VWA8: variants seen among roughly 807,000 people sequenced by gnomAD.
VWA8 encodes the protein von Willebrand factor A domain-containing protein 8.
A neutral mutation model predicts 241.5 loss-of-function variants in VWA8; 221 were observed. The observed-to-expected ratio is 0.91, with a 90% CI of 0.82 to 1.02. The LOEUF (loss-of-function observed/expected upper bound fraction) is 1.02. Ranked by LOEUF, VWA8 falls within the 50% of genes least tolerant of loss-of-function variation. The probability of loss-of-function intolerance (pLI) is 0.00; values close to 1 mark genes in which losing one functional copy is unlikely to be tolerated. For missense variants in VWA8, 2,322 were observed against 2,328.7 expected (o/e 1.00, Z 0.06); for synonymous variants, 852 against 827.1 (o/e 1.03, Z -0.52).
intron 2 of VWA8, among the ~76,000 whole-genome samples, chr13:41,939,422 C>T (rs984136759): frequency 7.2e-5 from 11 of 151,744 alleles, no homozygotes; most frequent in Non-Finnish European, 1.2e-4. Context: ...AGACTTGGGA[C>T]TAAGATGATA....
intron 26 of VWA8, among the ~76,000 whole-genome samples, chr13:41,703,966 C>T (rs1021376145): frequency 5.3e-5 from 8 of 151,824 alleles, no homozygotes; most frequent in South Asian, 2.1e-4. Context: ...TTAGTAGAGA[C>T]GGGGTTTCTC....
At chr13:41,568,869 C>G (rs1037700189) in intron 44 of VWA8, among the ~76,000 whole-genome samples, 1 of 152,188 alleles carries the variant, frequency 6.6e-6, no homozygotes, top group African/African-American at 2.4e-5. Flanking sequence ...TGAGGTTATA[C>G]AGGCTTATGA....
At chr13:41,841,134 G>A (rs962109781) in intron 12 of VWA8, among the ~76,000 whole-genome samples, 1 of 152,140 alleles carries the variant, frequency 6.6e-6, no homozygotes, top group African/African-American at 2.4e-5. Context: ...AGTATATTAT[G>A]ACAATGAACA....
At chr13:41,877,435 T>C (rs1208753198) in intron 9 of VWA8, among the ~76,000 whole-genome samples, 1 of 152,094 alleles carries the variant, frequency 6.6e-6, no homozygotes, top group Non-Finnish European at 1.5e-5. Context: ...AATAGTTATT[T>C]ATTGAAATAT....
At chr13:41,801,610 C>A (rs1379607256) in intron 17 of VWA8, among the ~76,000 whole-genome samples, 1 of 152,168 alleles carries the variant, frequency 6.6e-6, no homozygotes, top group Non-Finnish European at 1.5e-5. Context: ...AAAATAGCTT[C>A]ATGTAAATTT....
At chr13:41,643,576 A>T (rs902753904) in intron 37 of VWA8, among the ~76,000 whole-genome samples, 14 of 152,170 alleles carry the variant, frequency 9.2e-5, no homozygotes, top group Non-Finnish European at 2.9e-5. Context: ...GGGCTTAGGG[A>T]GCTAACGTTG....
At chr13:41,693,178 A>G (rs530384337) in intron 29 of VWA8, among the ~76,000 whole-genome samples, 39 of 152,150 alleles carry the variant, frequency 2.6e-4, no homozygotes, top group Non-Finnish European at 4.3e-4. Flanking sequence ...TAATTTAAGA[A>G]TTTAAAATTT....
chr13:41,671,397 C>G (rs1362447284), intron 36 of VWA8, among the ~76,000 whole-genome samples: 1 of 151,876 alleles, frequency 6.6e-6, no homozygotes, highest in African/African-American at 2.4e-5. Flanking sequence ...AAAAAAAAAC[C>G]AGAAAGACTA....
intron 37 of VWA8, among the ~76,000 whole-genome samples, chr13:41,628,389 T>G (rs2139672667): frequency 6.6e-6 from 1 of 152,238 alleles, no homozygotes; most frequent in South Asian, 2.1e-4. Flanking sequence ...GAATATAAAT[T>G]GTTCATTTAT....
At position 41,676,570 on chromosome 13, in the gene VWA8, G is replaced by A. The variant is rs1012903841; in HGVS notation, c.4328-1274C>T. Reference sequence around the variant, plus strand: ...CTGAGTGTTTATGCTTGCAAAAAGTGTATGTTATTATTGCCTATTTTATTG... The same window carrying A: ...CTGAGTGTTTATGCTTGCAAAAAGTATATGTTATTATTGCCTATTTTATTG... On this transcript the variant is annotated intron_variant, in intron 35 of 44. Coordinates refer to ENST00000379310, the MANE Select transcript of VWA8 (RefSeq NM_015058.2). Among the ~76,000 whole-genome samples the A allele has an allele frequency of 3.3e-5, 5 of 152,276 alleles. No homozygotes were observed. In the East Asian group the frequency reaches 9.6e-4, roughly 29 times the overall value.
Position 41,567,197 on chromosome 13 carries a change from A to C in VWA8, c.*1000T>G, listed in dbSNP as rs1273919341. On this transcript the variant is annotated 3_prime_UTR_variant, in exon 45 of 45. Coordinates refer to ENST00000379310, the MANE Select transcript of VWA8 (RefSeq NM_015058.2). ...AAGGTCAGCCCAAGAGTGTGTGGGA[A>C]TAAGGTACATTTTGAAAGAAAAGAG... 1 of 152,228 alleles carries C rather than the reference A, an allele frequency of 6.6e-6. No individual in the cohort carries two copies. The highest frequency in any genetic ancestry group is 1.9e-4 in the East Asian group (1 of 5,202). The allele number at this position is 152,228 out of a possible 1,614,324, so 9.4% of individuals were successfully genotyped here.
chr13:41,778,159 T>G, intron 19 of VWA8, 103 bp from the exon 20 acceptor site: 1 of 665,488 alleles, frequency 1.5e-6, no homozygotes. Flanking sequence ...TCTATTATAA[T>G]AAACAATTAT....
chr13:41,671,545 T>C (rs12876206), intron 36 of VWA8, among the ~76,000 whole-genome samples: 11,292 of 151,790 alleles, frequency 0.074, 828 homozygotes, highest in African/African-American at 0.2. Context: ...TGTATCCGCA[T>C]CCCCCCGCCC....
intron 39 of VWA8, among the ~76,000 whole-genome samples, chr13:41,611,190 G>A (rs1035580306): frequency 9.9e-5 from 15 of 152,124 alleles, no homozygotes; most frequent in Admixed American, 5.9e-4. Flanking sequence ...GACAGCCTCC[G>A]CACCCTATGA....
At chr13:41,873,373 C>CA in intron 9 of VWA8, among the ~76,000 whole-genome samples, 1 of 151,960 alleles carries the variant, frequency 6.6e-6, no homozygotes. Flanking sequence ...AAAAATCCTT[C>CA]AAAAAATTAA....
At chr13:41,639,159 C>CTT (rs58695029) in intron 37 of VWA8, among the ~76,000 whole-genome samples, 465 of 146,420 alleles carry the variant, frequency 3.2e-3, no homozygotes, top group Middle Eastern at 6.9e-3. Flanking sequence ...GCTTAAAAGA[C>CTT]TTTTTTTTTT....
At chr13:41,601,687 T>C (rs1486812148) in intron 40 of VWA8, among the ~76,000 whole-genome samples, 2 of 152,086 alleles carry the variant, frequency 1.3e-5, no homozygotes, top group African/African-American at 4.8e-5. Context: ...ATGCAATCGA[T>C]TCACAAAAGG....
Position 41,842,251 on chromosome 13 carries a change from A to G in VWA8, c.1426-8720T>C, listed in dbSNP as rs534996261. Among the ~76,000 whole-genome samples the G allele has an allele frequency of 4.9e-4, 75 of 152,340 alleles. 1 individual carries two copies. Among genetic ancestry groups the G allele is most frequent in the Middle Eastern group, 6.8e-3 (2 of 294 alleles). ...CATGCTCAGTGAACAGAACGCAGGCATGCTGCCAACATTCCTCAGTGTCAT... is the reference window on the plus strand; with the variant it reads ...CATGCTCAGTGAACAGAACGCAGGCGTGCTGCCAACATTCCTCAGTGTCAT... On this transcript the variant is annotated intron_variant, in intron 12 of 44. Transcript: ENST00000379310.
At chr13:41,783,261 A>G (rs1486249722) in intron 19 of VWA8, among the ~76,000 whole-genome samples, 1 of 149,334 alleles carries the variant, frequency 6.7e-6, no homozygotes, top group Non-Finnish European at 1.5e-5. Flanking sequence ...TATATATAAA[A>G]TTTATTACCC....
Sources: gnomAD v4.1 joint callset for allele counts (sites outside exome capture counted in the v4.1 genomes callset) on GRCh38, gnomAD v4.1.1 for gene constraint, MANE v1.5 for transcripts, NCBI Gene and HGNC (gene_info 2026-07-23, HGNC 2026-07-21) for gene names.